Variants in IFI16 observed in about 807,000 individuals in gnomAD.
IFI16 encodes gamma-interferon-inducible protein 16.
In IFI16, 49 loss-of-function variants were observed where a neutral mutation model predicts 68.4. The ratio of observed to expected loss-of-function variants is 0.72; its 90% CI spans 0.57 to 0.91. The LOEUF (loss-of-function observed/expected upper bound fraction) is 0.91. IFI16 is among the 40% of genes least tolerant of loss of function. IFI16 has a pLI of 0.00. For synonymous variants in IFI16, 307 were observed against 315.0 expected, an observed-to-expected ratio of 0.97 and a Z score of 0.27; for missense variants, 878 against 942.9, an observed-to-expected ratio of 0.93 and a Z score of 0.90.
chr1:159,031,507 C>T (rs2101870141), intron 6 of IFI16, among the ~76,000 whole-genome samples: 1 of 152,218 alleles, frequency 6.6e-6, no homozygotes, highest in East Asian at 1.9e-4. Flanking sequence ...GCCCATAGGG[C>T]TCTTCCCGCT....
At chr1:159,053,051 T>C (rs1266736419) in intron 10 of IFI16, 1 of 152,852 alleles carries the variant, frequency 6.5e-6, no homozygotes, top group Non-Finnish European at 1.5e-5. Flanking sequence ...TCTGGGCAGA[T>C]TGGGAAAGAG....
chr1:159,005,507 G>A (rs2101777067), upstream of IFI16, among the ~76,000 whole-genome samples: 1 of 152,250 alleles, frequency 6.6e-6, no homozygotes, highest in South Asian at 2.1e-4. Flanking sequence ...CCACTCCAAA[G>A]TAAAGAGGTC....
At position 159,041,124 on chromosome 1, in the gene IFI16, G is replaced by A. The variant is rs567224082; in HGVS notation, c.1330-4173G>A. On this transcript the variant is annotated intron_variant, in intron 7 of 11. Coordinates refer to ENST00000295809, the MANE Select transcript of IFI16 (RefSeq NM_001376587.1). ...CTACCACTTTTTCAGCTAACGGTGC[G>A]ATAGAATTATATTAGTGAAAGCCAG... is the stretch of plus-strand genomic sequence containing the variant. 7.2e-5 allele frequency among the ~76,000 whole-genome samples: 11 copies of A among 152,294 alleles called. No homozygotes were observed. The South Asian group carries it at 1.5e-3, about 20-fold the overall frequency.
chr1:159,021,038 C>T lies in IFI16; in HGVS notation c.1161+509C>T, dbSNP rs1399790382. Among the ~76,000 whole-genome samples, 9 of 152,238 alleles carry T rather than the reference C, an allele frequency of 5.9e-5. No homozygotes were observed. The East Asian group carries it at 7.7e-4, about 13-fold the overall frequency. Reference sequence around the variant, plus strand: ...TTGTTAATTTGAATTCAAATATTCACGTGTTAAGTTTCCTTACAGTACATG... The same window carrying T: ...TTGTTAATTTGAATTCAAATATTCATGTGTTAAGTTTCCTTACAGTACATG... On this transcript the variant is annotated intron_variant, in intron 6 of 11. Coordinates refer to ENST00000295809, the MANE Select transcript of IFI16 (RefSeq NM_001376587.1).
rs979798044 is a variant in IFI16 at position 159,032,688 on chromosome 1, C to T, written c.1326C>T (p.Thr442=). The T allele has an allele frequency of 3.8e-6, 6 of 1,588,496 alleles. No homozygotes were observed. Among genetic ancestry groups the T allele is most frequent in the Non-Finnish European group, 3.4e-6 (4 of 1,170,868 alleles). ...PPTTPSSSFF[T]KKSEDTISKM... Reference sequence around the variant, plus strand: ...CAACTCCATCCAGCAGTTTCTTCACCAAGGTACAATTTCCTGGGTCCCATG... The same window carrying T: ...CAACTCCATCCAGCAGTTTCTTCACTAAGGTACAATTTCCTGGGTCCCATG... Residue 442 remains threonine, a synonymous_variant, in exon 7 of 12, where the codon ACC becomes ACT. Transcript: ENST00000295809.
At chr1:159,023,140 A>G (rs1224192721) in intron 6 of IFI16, among the ~76,000 whole-genome samples, 1 of 152,212 alleles carries the variant, frequency 6.6e-6, no homozygotes, top group African/African-American at 2.4e-5. Context: ...CGCTGAACCA[A>G]TGTTTTATTA....
intron 9 of IFI16, 67 bp from the exon 10 acceptor site, chr1:159,051,612 C>G: frequency 7.7e-7 from 1 of 1,291,388 alleles, no homozygotes; most frequent in South Asian, 1.4e-5. Context: ...TGAGATGACT[C>G]TCACTAGAGA....
At chr1:159,040,028 C>T (rs573337970) in intron 7 of IFI16, among the ~76,000 whole-genome samples, 1 of 152,264 alleles carries the variant, frequency 6.6e-6, no homozygotes, top group South Asian at 2.1e-4. Context: ...TTTACCAATG[C>T]TGCAAATCCA....
intron 6 of IFI16, among the ~76,000 whole-genome samples, chr1:159,026,571 T>C (rs976836102): frequency 6.6e-6 from 1 of 152,106 alleles, no homozygotes; most frequent in African/African-American, 2.4e-5. Flanking sequence ...AGTGCTAAGA[T>C]TACAGGTGTG....
At chr1:159,019,800 T>A (rs1557866369) in intron 5 of IFI16, among the ~76,000 whole-genome samples, 2 of 152,158 alleles carry the variant, frequency 1.3e-5, no homozygotes, top group Non-Finnish European at 2.9e-5. Context: ...CAAATCCAGT[T>A]CTAGGATGAT....
chr1:159,014,638 G>A (rs747538156), intron 1 of IFI16, 23 bp from the exon 2 acceptor site: 1 of 1,508,174 alleles, frequency 6.6e-7, no homozygotes, highest in African/African-American at 1.4e-5. Context: ...GTGTAACACT[G>A]TATATACCAT....
At chr1:159,051,536 G>C (rs1467060817) in intron 9 of IFI16, 143 bp from the exon 10 acceptor site, 1 of 622,980 alleles carries the variant, frequency 1.6e-6, no homozygotes, top group Non-Finnish European at 2.8e-6. Context: ...TACTATCTCA[G>C]TGATCTTTGT....
intron 1 of IFI16, among the ~76,000 whole-genome samples, chr1:159,011,984 A>G (rs1398671035): frequency 6.6e-6 from 1 of 151,976 alleles, no homozygotes; most frequent in Non-Finnish European, 1.5e-5. Context: ...TCCCTTTACC[A>G]TGCTGTTGTA....
chr1:159,018,140 G>A, intron 4 of IFI16, 89 bp from the exon 5 acceptor site: 1 of 1,078,738 alleles, frequency 9.3e-7, no homozygotes, highest in South Asian at 1.6e-5. Flanking sequence ...CAAGTTTTGG[G>A]GCCCTGTGTT....
chr1:159,049,944 C>A (rs1236201198), intron 9 of IFI16, among the ~76,000 whole-genome samples: 1 of 151,578 alleles, frequency 6.6e-6, no homozygotes, highest in Non-Finnish European at 1.5e-5. Flanking sequence ...TGATTTTTCC[C>A]CTTTCATTTA....
intron 7 of IFI16, among the ~76,000 whole-genome samples, chr1:159,038,778 C>T (rs1557876351): frequency 6.6e-6 from 1 of 152,150 alleles, no homozygotes; most frequent in South Asian, 2.1e-4. Context: ...GCTGGGAATG[C>T]CCTAGTGCAA....
intron 8 of IFI16, among the ~76,000 whole-genome samples, chr1:159,047,785 CT>C (rs777458517): frequency 6.7e-6 from 1 of 149,152 alleles, no homozygotes; most frequent in Non-Finnish European, 1.5e-5. Flanking sequence ...TAATAGAGTT[CT>C]TTCTGACTTT....
chr1:159,007,924 C>T (rs1413212999), upstream of IFI16, among the ~76,000 whole-genome samples: 1 of 152,268 alleles, frequency 6.6e-6, no homozygotes, highest in African/African-American at 2.4e-5. Context: ...ATGCATATGC[C>T]ACAGTCTATT....
At chr1:159,022,504 G>C (rs142015261) in intron 6 of IFI16, among the ~76,000 whole-genome samples, 1 of 152,168 alleles carries the variant, frequency 6.6e-6, no homozygotes, top group Non-Finnish European at 1.5e-5. Context: ...GCTGGGACGG[G>C]ACCTCACCTT....
Sources: gnomAD v4.1 joint callset for allele counts (sites outside exome capture counted in the v4.1 genomes callset) on GRCh38, gnomAD v4.1.1 for gene constraint, MANE v1.5 for transcripts, NCBI Gene and HGNC (gene_info 2026-07-23, HGNC 2026-07-21) for gene names.